NRXN3: variants seen among roughly 807,000 people sequenced by gnomAD.
NRXN3 encodes the protein neurexin 3, also known as neurexin III.
Under a neutral mutation model 137.6 loss-of-function variants are expected in NRXN3, and 32 were observed. The observed-to-expected ratio is 0.23, with a 90% CI of 0.18 to 0.31. The LOEUF is 0.31. Ranked by LOEUF, NRXN3 falls within the 10% of genes least tolerant of loss-of-function variation. The pLI is 1.00. For missense variants in NRXN3, 1,574 were observed against 2,062.5 expected, an observed-to-expected ratio of 0.76 and a Z score of 4.59; for synonymous variants, 798 against 784.5, an observed-to-expected ratio of 1.02 and a Z score of -0.29.
At chr14:78,343,150 T>C (rs2082326056) in intron 4 of NRXN3, among the ~76,000 whole-genome samples, 2 of 152,150 alleles carry the variant, frequency 1.3e-5, no homozygotes, top group Non-Finnish European at 1.5e-5. Flanking sequence ...ACCATGAGTA[T>C]AATGAAAAGA....
chr14:78,704,172 TG>T (rs879687719), intron 6 of NRXN3, among the ~76,000 whole-genome samples: 1 of 152,316 alleles, frequency 6.6e-6, no homozygotes, highest in Admixed American at 6.5e-5. Context: ...TCAAATACCT[TG>T]GAAGAATTTG....
At chr14:78,750,574 A>G (rs1277906409) in intron 8 of NRXN3, among the ~76,000 whole-genome samples, 1 of 152,212 alleles carries the variant, frequency 6.6e-6, no homozygotes, top group Non-Finnish European at 1.5e-5. Flanking sequence ...TGAGATACTC[A>G]GAGAGATTAG....
At chr14:79,461,763 T>C (rs915593681) in intron 15 of NRXN3, among the ~76,000 whole-genome samples, 9 of 152,202 alleles carry the variant, frequency 5.9e-5, no homozygotes, top group Admixed American at 5.9e-4. Flanking sequence ...GTCCTTTTAT[T>C]TTCCAAAAGG....
intron 15 of NRXN3, among the ~76,000 whole-genome samples, chr14:79,271,775 ATCT>A (rs1170965151): frequency 1.3e-5 from 2 of 152,018 alleles, no homozygotes; most frequent in African/African-American, 2.4e-5. Context: ...CTCATTGATA[ATCT>A]TCTTACTTTA....
intron 15 of NRXN3, among the ~76,000 whole-genome samples, chr14:79,025,069 C>G (rs1390321137): frequency 1.3e-5 from 2 of 152,134 alleles, no homozygotes; most frequent in East Asian, 3.9e-4. Flanking sequence ...TCAAAACATT[C>G]AACCATTCTC....
At chr14:78,567,417 G>A (rs930001875) in intron 4 of NRXN3, among the ~76,000 whole-genome samples, 3 of 152,214 alleles carry the variant, frequency 2.0e-5, no homozygotes, top group Non-Finnish European at 4.4e-5. Context: ...CAGCATGGCT[G>A]TGGGGTCGCC....
At chr14:79,846,050 A>G (rs1211740002) in intron 20 of NRXN3, among the ~76,000 whole-genome samples, 1 of 152,120 alleles carries the variant, frequency 6.6e-6, no homozygotes, top group East Asian at 1.9e-4. Context: ...AAATAGTTAT[A>G]ATAGTAACAT....
intron 15 of NRXN3, among the ~76,000 whole-genome samples, chr14:79,449,482 A>G (rs763387701): frequency 6.6e-6 from 1 of 152,188 alleles, no homozygotes; most frequent in Non-Finnish European, 1.5e-5. Flanking sequence ...GGAGTATAGA[A>G]ATTGCTGTTT....
At chr14:79,222,195 C>G (rs2069854496) in intron 15 of NRXN3, among the ~76,000 whole-genome samples, 1 of 152,090 alleles carries the variant, frequency 6.6e-6, no homozygotes, top group African/African-American at 2.4e-5. Flanking sequence ...TGTGATGCCC[C>G]CAGCTTTGTT....
chr14:78,694,513 T>G (rs1194772896), intron 6 of NRXN3, among the ~76,000 whole-genome samples: 1 of 151,918 alleles, frequency 6.6e-6, no homozygotes, highest in Non-Finnish European at 1.5e-5. Context: ...GTCATAAGAA[T>G]TAGATAGCCT....
At chr14:79,533,293 A>G (rs1205017139) in intron 16 of NRXN3, among the ~76,000 whole-genome samples, 2 of 152,180 alleles carry the variant, frequency 1.3e-5, no homozygotes, top group African/African-American at 2.4e-5. Context: ...CTGGGCTCTT[A>G]AACAGTGGAG....
intron 19 of NRXN3, among the ~76,000 whole-genome samples, chr14:79,705,268 T>C (rs1031075820): frequency 6.6e-6 from 1 of 152,072 alleles, no homozygotes; most frequent in Admixed American, 6.6e-5. Flanking sequence ...CCTAACAGAC[T>C]CTTTAGCCGA....
At position 78,268,266 on chromosome 14, in the gene NRXN3, T is replaced by C. The variant is rs545063512; in HGVS notation, c.710-10379T>C. ...GTGCTCTAAATTTACTGGACCACCGTTTTGTTTTGTTTTGTTTTGTTTTGT... is the reference window on the plus strand; with the variant it reads ...GTGCTCTAAATTTACTGGACCACCGCTTTGTTTTGTTTTGTTTTGTTTTGT... On this transcript the variant is annotated intron_variant, in intron 2 of 20. Coordinates refer to ENST00000335750, the MANE Select transcript of NRXN3 (RefSeq NM_001330195.2). 2.0e-5 allele frequency among the ~76,000 whole-genome samples: 3 copies of C among 148,650 alleles called. No individual in the cohort carries two copies. The East Asian group carries it at 5.8e-4, about 29-fold the overall frequency.
At chr14:79,444,738 G>C (rs1156558465) in intron 15 of NRXN3, among the ~76,000 whole-genome samples, 1 of 152,158 alleles carries the variant, frequency 6.6e-6, no homozygotes, top group Admixed American at 6.5e-5. Context: ...TGAGTCAGGA[G>C]GGTTGCTTGA....
intron 19 of NRXN3, among the ~76,000 whole-genome samples, chr14:79,722,450 A>G (rs978391256): frequency 6.6e-6 from 1 of 152,058 alleles, no homozygotes. Context: ...CCCTTCTCAC[A>G]TAATGCTCTA....
At chr14:78,894,039 T>C (rs966468466) in intron 10 of NRXN3, among the ~76,000 whole-genome samples, 4 of 151,984 alleles carry the variant, frequency 2.6e-5, no homozygotes, top group Non-Finnish European at 5.9e-5. Flanking sequence ...TTCTTACTTG[T>C]GAAGGGTCTT....
chr14:79,433,326 G>T (rs774519842), intron 15 of NRXN3, among the ~76,000 whole-genome samples: 14 of 152,134 alleles, frequency 9.2e-5, no homozygotes, highest in Non-Finnish European at 1.8e-4. Context: ...CATCCTGGTT[G>T]TTCTTGACCC....
At chr14:78,328,928 G>A (rs1203585043) in intron 4 of NRXN3, among the ~76,000 whole-genome samples, 2 of 152,142 alleles carry the variant, frequency 1.3e-5, no homozygotes, top group Admixed American at 6.5e-5. Flanking sequence ...GGCATTTGGG[G>A]TAGGGGTGGG....
At chr14:79,549,965 TGTTTGTTTGTTA>T (rs1469042447) in intron 16 of NRXN3, among the ~76,000 whole-genome samples, 1 of 131,870 alleles carries the variant, frequency 7.6e-6, no homozygotes, top group Non-Finnish European at 1.8e-5. Flanking sequence ...GTTGGGTGTT[TGTTTGTTTGTTA>T]GTTTGTTTGT....
Sources: gnomAD v4.1 joint callset for allele counts (sites outside exome capture counted in the v4.1 genomes callset) on GRCh38, gnomAD v4.1.1 for gene constraint, MANE v1.5 for transcripts, NCBI Gene and HGNC (gene_info 2026-07-23, HGNC 2026-07-21) for gene names.